Variants in TGFBR3 observed in about 807,000 individuals in gnomAD.
TGFBR3 encodes transforming growth factor beta receptor type 3.
In TGFBR3, 46 loss-of-function variants were observed where a neutral mutation model predicts 87.9. The ratio of observed to expected loss-of-function variants is 0.52; its 90% CI spans 0.41 to 0.67. The LOEUF (loss-of-function observed/expected upper bound fraction) is 0.67, where lower values mean the gene tolerates loss of function less well. Among genes scored for constraint, TGFBR3 ranks in the 30% least tolerant of loss-of-function variants. TGFBR3 has a pLI of 0.00. For synonymous variants in TGFBR3, 381 were observed against 391.6 expected, an observed-to-expected ratio of 0.97 and a Z score of 0.32; for missense variants, 866 against 1,041.9, an observed-to-expected ratio of 0.83 and a Z score of 2.32.
chr1:91,727,611 T>A, intron 7 of TGFBR3, 48 bp downstream of exon 7: 3 of 1,608,932 alleles, frequency 1.9e-6, no homozygotes, highest in Non-Finnish European at 2.6e-6. Flanking sequence ...CAGCTTAAAT[T>A]GTTGTCATTT....
intron 3 of TGFBR3, among the ~76,000 whole-genome samples, chr1:91,768,916 C>A (rs562109432): frequency 5.9e-5 from 9 of 152,192 alleles, no homozygotes; most frequent in Non-Finnish European, 1.2e-4. Context: ...TCTACATTTT[C>A]TTCTAAGTTG....
rs75858445 is a variant in TGFBR3 at position 91,816,637 on chromosome 1, C to T, written c.62-19166G>A. On this transcript the variant is annotated intron_variant, in intron 2 of 16. Transcript: ENST00000212355. ...CTTTATGGGACTATATTTTGAAAATCACTAGAAACTGCGTGGTTCCCATAT... is the reference window on the plus strand; with the variant it reads ...CTTTATGGGACTATATTTTGAAAATTACTAGAAACTGCGTGGTTCCCATAT... Among the ~76,000 whole-genome samples the T allele has an allele frequency of 4.4e-3, 673 of 152,292 alleles. 2 individuals carry two copies. The highest frequency in any genetic ancestry group is 7.5e-3 in the Non-Finnish European group (511 of 68,014).
At chr1:91,841,610 T>A (rs1251164427) in intron 2 of TGFBR3, among the ~76,000 whole-genome samples, 4 of 143,082 alleles carry the variant, frequency 2.8e-5, no homozygotes, top group Non-Finnish European at 6.2e-5. Flanking sequence ...CTGACCAACA[T>A]GGTGAAACCC....
chr1:91,903,094 G>C (rs367897908), intron 1 of TGFBR3, among the ~76,000 whole-genome samples: 215 of 150,968 alleles, frequency 1.4e-3, no homozygotes, highest in African/African-American at 5.1e-3. Flanking sequence ...CACTTTGGCA[G>C]GCCGAGATGG....
At chr1:91,807,958 C>T (rs1675896106) in intron 2 of TGFBR3, among the ~76,000 whole-genome samples, 1 of 152,240 alleles carries the variant, frequency 6.6e-6, no homozygotes, top group African/African-American at 2.4e-5. Flanking sequence ...GACATAAAGT[C>T]CCTTGAGGGG....
intron 1 of TGFBR3, among the ~76,000 whole-genome samples, chr1:91,903,338 C>CAAAAAAAAAAAAA (rs58672104): frequency 4.0e-5 from 2 of 50,506 alleles, no homozygotes; most frequent in African/African-American, 6.9e-5. Context: ...GATTCTGCCT[C>CAAAAAAAAAAAAA]AAAAAAAAAA....
chr1:91,901,810 G>A (rs1229904173), intron 1 of TGFBR3, among the ~76,000 whole-genome samples: 2 of 151,684 alleles, frequency 1.3e-5, no homozygotes, highest in African/African-American at 4.8e-5. Context: ...CTACTCCAGA[G>A]GCTGAGGTGG....
Position 91,727,788 on chromosome 1 carries a change from T to G in TGFBR3, c.756A>C (p.Ile252=), listed in dbSNP as rs1412939662. ...SNPYSAFQVD[I]TIDIRPSQED... The stretch of plus-strand genomic sequence containing the variant: ...CTTGAGAAGGTCTTATATCAATTGT[T>G]ATATCCACCTGGAAAGCACTGTGAA... Residue 252 remains isoleucine, a synonymous_variant, in exon 7 of 17, where the codon ATA becomes ATC. Coordinates refer to ENST00000212355, the MANE Select transcript of TGFBR3 (RefSeq NM_003243.5). 1 of 1,613,836 alleles carries G rather than the reference T, an allele frequency of 6.2e-7. No individual in the cohort carries two copies. Among genetic ancestry groups the G allele is most frequent in the Admixed American group, 1.7e-5 (1 of 60,004 alleles).
chr1:91,694,067 T>A (rs1029256752), intron 16 of TGFBR3, among the ~76,000 whole-genome samples: 1 of 152,116 alleles, frequency 6.6e-6, no homozygotes, highest in Non-Finnish European at 1.5e-5. Context: ...AGTGGCACCA[T>A]CACAGCTCAC....
Position 91,719,371 on chromosome 1 carries a change from T to G in TGFBR3, c.1507A>C (p.Asn503His), listed in dbSNP as rs1672281621. The change falls in exon 10 of 17, where the codon AAT becomes CAT. Residue 503 changes from asparagine to histidine, a missense_variant. By Grantham distance (68) the Asn-to-His change is moderately conservative. Transcript: ENST00000212355. Reference protein sequence around the residue: ...GTHFVLESPLNGCGTRPRWSA... With the variant: ...GTHFVLESPLHGCGTRPRWSA... ...CACCGGGGCCGAGTACCGCAGCCAT[T>G]CAGAGGAGACTCCAAAACAAAGTGT... The G allele has an allele frequency of 6.2e-7, 1 of 1,614,044 alleles. No homozygotes were observed. The highest frequency in any genetic ancestry group is 8.5e-7 in the Non-Finnish European group (1 of 1,180,006).
At position 91,712,261 on chromosome 1, in the gene TGFBR3, G is replaced by A; in HGVS notation, c.2148C>T (p.His716=). 6.2e-7 allele frequency: 1 copy of A among 1,614,124 alleles called. No homozygotes were observed. Among genetic ancestry groups the A allele is most frequent in the South Asian group, 1.1e-5 (1 of 91,084 alleles). The part of the protein sequence containing the change: ...ELTLCTKMEK[H]PQKLPKCVPP... ...CACAAACCTTAGGCAACTTCTGGGG[G>A]TGCTTCTCCATCTTCGTACACAGCG... is the stretch of plus-strand genomic sequence containing the variant. Residue 716 remains histidine (H), a synonymous_variant, in exon 13 of 17, where the codon CAC becomes CAT. Coordinates refer to ENST00000212355, the MANE Select transcript of TGFBR3 (RefSeq NM_003243.5).
chr1:91,785,768 C>G (rs955987372), intron 3 of TGFBR3, among the ~76,000 whole-genome samples: 5 of 137,140 alleles, frequency 3.6e-5, no homozygotes, highest in Non-Finnish European at 6.4e-5. Flanking sequence ...GGCTTCTGTA[C>G]TTTTTTTTTT....
At position 91,682,404 on chromosome 1, in the gene TGFBR3, CT is replaced by C. The variant is rs59188054; in HGVS notation, c.*1334del. 40,690 of 323,856 alleles carry C rather than the reference CT, an allele frequency of 0.13. 169 individuals are homozygous for C. The highest frequency in any genetic ancestry group is 0.19 in the South Asian group (8,253 of 43,458). The allele number at this position is 323,856 out of a possible 1,614,324, so 20.1% of individuals were successfully genotyped here. On this transcript the variant is annotated 3_prime_UTR_variant, in exon 17 of 17. Coordinates refer to ENST00000212355, the MANE Select transcript of TGFBR3 (RefSeq NM_003243.5). Reference sequence around the variant, plus strand: ...AGCATGATAATTCCCCCCTGGCATTCTTTTTTTTTTTTTTTTTTTTTAACAA... The same window carrying C: ...AGCATGATAATTCCCCCCTGGCATTCTTTTTTTTTTTTTTTTTTTTAACAA...
rs1227617797 is a variant in TGFBR3, at chr1:91,722,081, T to G, written c.949A>C (p.Arg317=). 1.2e-6 allele frequency: 2 copies of G among 1,614,004 alleles called. No individual in the cohort carries two copies. The change falls in exon 8 of 17, where the codon AGA becomes CGA. Residue 317 remains arginine, a synonymous_variant. Transcript: ENST00000212355. ...CCTTGGGTTGAAGGAATGTCATCTC[T>G]TATTGATTTGGTCATTGTCATAGAT... ...ERSMTMTKSI[R]DDIPSTQGNL...
chr1:91,904,350 C>T (rs974003640), intron 1 of TGFBR3, among the ~76,000 whole-genome samples: 1 of 139,182 alleles, frequency 7.2e-6, no homozygotes, highest in Admixed American at 7.4e-5. Flanking sequence ...GGTTCTACTA[C>T]TTGTCAGTTG....
chr1:91,905,152 C>A (rs1241808115), intron 1 of TGFBR3, among the ~76,000 whole-genome samples: 2 of 152,194 alleles, frequency 1.3e-5, no homozygotes, highest in African/African-American at 4.8e-5. Context: ...AGGATCATTT[C>A]TCTTGGCATC....
rs766593780 is a variant in TGFBR3, at chr1:91,719,356, G to A, written c.1522C>T (p.Arg508Trp). 19 of 1,614,044 alleles carry A rather than the reference G, an allele frequency of 1.2e-5. No homozygotes were observed. Among genetic ancestry groups the A allele is most frequent in the East Asian group, 4.5e-5 (2 of 44,874 alleles). Residue 508 changes from arginine to tryptophan, a missense_variant, in exon 10 of 17, where the codon CGG (arginine) becomes TGG (tryptophan). Physicochemically the swap from Arg to Trp is moderately radical, Grantham distance 101. Coordinates refer to ENST00000212355, the MANE Select transcript of TGFBR3 (RefSeq NM_003243.5). ...CCATCAAGGGCTGACCACCGGGGCC[G>A]AGTACCGCAGCCATTCAGAGGAGAC... is the stretch of plus-strand genomic sequence containing the variant. ...LESPLNGCGT[R>W]PRWSALDGVV...
At chr1:91,785,398 G>A (rs962867176) in intron 3 of TGFBR3, among the ~76,000 whole-genome samples, 25 of 152,324 alleles carry the variant, frequency 1.6e-4, no homozygotes, top group African/African-American at 6.0e-4. Context: ...TGGAAATGTT[G>A]TAAAATTAGA....
In TGFBR3 at chr1:91,885,884, G is replaced by A. The variant is rs748854664; in HGVS notation, c.-120C>T. ...GGGCTGGGCCGGCACGTACCTCGGA[G>A]GCGGTGTGTCCAGCGGAGATCCACC... On this transcript the variant is annotated 5_prime_UTR_variant, in exon 1 of 17. Coordinates refer to ENST00000212355, the MANE Select transcript of TGFBR3 (RefSeq NM_003243.5). The A allele has an allele frequency of 2.6e-6, 1 of 385,420 alleles. No homozygotes were observed. The highest frequency in any genetic ancestry group is 1.9e-5 in the South Asian group (1 of 53,112). The allele number at this position is 385,420 out of a possible 1,614,324, so 23.9% of individuals were successfully genotyped here.
Sources: gnomAD v4.1 joint callset for allele counts (sites outside exome capture counted in the v4.1 genomes callset) on GRCh38, gnomAD v4.1.1 for gene constraint, MANE v1.5 for transcripts, NCBI Gene and HGNC (gene_info 2026-07-23, HGNC 2026-07-21) for gene names.